The following POSTN variants were observed in gnomAD, a reference collection of about 807,000 sequenced individuals.
POSTN encodes periostin.
Under a neutral mutation model 104.5 loss-of-function variants are expected in POSTN, and 71 were observed. That is an observed-to-expected ratio of 0.68 (90% CI 0.56 to 0.83). POSTN has a LOEUF of 0.83. POSTN is among the 40% of genes least tolerant of loss of function. The probability of loss-of-function intolerance (pLI) is 0.00; values close to 1 mark genes in which losing one functional copy is unlikely to be tolerated. For synonymous variants in POSTN, 355 were observed against 340.7 expected (o/e 1.04, Z -0.46); for missense variants, 949 against 1,006.8 (o/e 0.94, Z 0.78).
intron 2 of POSTN, among the ~76,000 whole-genome samples, chr13:37,596,755 A>G (rs1479182110): frequency 6.6e-6 from 1 of 152,234 alleles, no homozygotes; most frequent in African/African-American, 2.4e-5. Flanking sequence ...AGAGACAAAC[A>G]TTAACTTTTT....
At position 37,574,545 on chromosome 13, in the gene POSTN, G is replaced by T. The variant is rs749529416; in HGVS notation, c.2089+27C>A. On this transcript the variant is annotated intron_variant, in intron 17 of 22. Transcript: ENST00000379747. ...TTTTACAGATGTTTTTACTATAAAA[G>T]GAACCATGTATAACATTGATTTTTA... is the stretch of plus-strand genomic sequence containing the variant. The T allele has an allele frequency of 5.1e-6, 8 of 1,566,556 alleles. No homozygotes were observed. The South Asian group carries it at 9.7e-5, about 19-fold the overall frequency.
In POSTN at chr13:37,598,628, A is replaced by T; in HGVS notation, c.99T>A (p.Arg33=). The change falls in exon 1 of 23, where the codon CGT becomes CGA. Residue 33 remains arginine (R), a synonymous_variant. Transcript: ENST00000379747. ...NHYDKILAHS[R]IRGRDQGPNV... is the part of the protein sequence containing the mutation. ...CTTACCCTTGGTCCCGACCCCTGAT[A>T]CGACTATGAGCCAAGATCTTGTCAT... 2 of 1,612,836 alleles carry T rather than the reference A, an allele frequency of 1.2e-6. No individual in the cohort carries two copies.
At chr13:37,577,993 A>G (rs1230144616) in intron 15 of POSTN, among the ~76,000 whole-genome samples, 195 bp from the exon 16 acceptor site, 1 of 142,632 alleles carries the variant, frequency 7.0e-6, no homozygotes, top group Non-Finnish European at 1.6e-5. Context: ...TGGATTCATT[A>G]CTCAGAGATT....
chr13:37,568,100 T>C (rs1304347547), intron 21 of POSTN, among the ~76,000 whole-genome samples: 1 of 152,076 alleles, frequency 6.6e-6, no homozygotes, highest in Non-Finnish European at 1.5e-5. Context: ...GTTGAGCATT[T>C]AGGGGTAGAT....
intron 12 of POSTN, among the ~76,000 whole-genome samples, 160 bp downstream of exon 12, chr13:37,579,701 C>T (rs942667582): frequency 3.9e-5 from 6 of 152,042 alleles, no homozygotes; most frequent in Non-Finnish European, 5.9e-5. Flanking sequence ...ACTGAGTGAC[C>T]CTCCACACAT....
intron 18 of POSTN, 74 bp downstream of exon 18, chr13:37,571,295 A>G (rs1950255475): frequency 2.0e-6 from 2 of 987,540 alleles, no homozygotes. Context: ...CAGATGTTCA[A>G]TATTTCTAAA....
intron 17 of POSTN, among the ~76,000 whole-genome samples, chr13:37,573,555 A>T (rs1950315792): frequency 6.6e-6 from 1 of 151,540 alleles, no homozygotes. Context: ...TACTTTAAAA[A>T]ATATAGATAA....
At chr13:37,571,948 G>A (rs1950273395) in intron 17 of POSTN, among the ~76,000 whole-genome samples, 1 of 151,494 alleles carries the variant, frequency 6.6e-6, no homozygotes, top group Admixed American at 6.6e-5. Flanking sequence ...ACATAAGAAA[G>A]TACCAAATGT....
At chr13:37,582,327 T>C (rs1383338354) in intron 10 of POSTN, 39 bp downstream of exon 10, 6 of 1,570,388 alleles carry the variant, frequency 3.8e-6, no homozygotes. Flanking sequence ...ATTTGACATG[T>C]CATTTGACAG....
At chr13:37,578,618 AAACCCC>A (rs1950483414) in intron 15 of POSTN, among the ~76,000 whole-genome samples, 1 of 151,942 alleles carries the variant, frequency 6.6e-6, no homozygotes, top group Non-Finnish European at 1.5e-5. Context: ...GAACACAGTG[AAACCCC>A]ATCTCTCCTA....
chr13:37,576,598 G>GTATA (rs57337452), intron 16 of POSTN, among the ~76,000 whole-genome samples: 2 of 151,268 alleles, frequency 1.3e-5, no homozygotes, highest in African/African-American at 4.9e-5. Context: ...GTGGGAATGT[G>GTATA]TATATATATA....
At chr13:37,574,346 A>G (rs1213833158) in intron 17 of POSTN, among the ~76,000 whole-genome samples, 1 of 151,824 alleles carries the variant, frequency 6.6e-6, no homozygotes, top group Non-Finnish European at 1.5e-5. Flanking sequence ...TTCAAATTAA[A>G]TCAAGTACAA....
chr13:37,580,066 A>G, intron 11 of POSTN, 75 bp from the exon 12 acceptor site: 1 of 1,349,448 alleles, frequency 7.4e-7, no homozygotes. Flanking sequence ...ATGTAATAGA[A>G]TAGAATCCAT....
intron 10 of POSTN, among the ~76,000 whole-genome samples, chr13:37,581,431 A>G (rs887276342): frequency 6.6e-6 from 1 of 152,184 alleles, no homozygotes; most frequent in East Asian, 1.9e-4. Context: ...AGCAAAATGT[A>G]TGTTAGGGCT....
At chr13:37,579,192 G>T in intron 13 of POSTN, 37 bp downstream of exon 13, 1 of 1,606,632 alleles carries the variant, frequency 6.2e-7, no homozygotes, top group African/African-American at 1.3e-5. Context: ...CTTAATGATG[G>T]ATGAACACTA....
Position 37,583,464 on chromosome 13 carries a change from C to T in POSTN, c.1243+505G>A, listed in dbSNP as rs371815637. ...TTTCGTTTTTTTTTTTTTTTTGAGA[C>T]GGAGTCTCACTCTGTCGCCCAGGCT... is the stretch of plus-strand genomic sequence containing the variant. On this transcript the variant is annotated intron_variant, in intron 9 of 22. Coordinates refer to ENST00000379747, the MANE Select transcript of POSTN (RefSeq NM_006475.3). Among the ~76,000 whole-genome samples the T allele has an allele frequency of 2.8e-3, 322 of 114,840 alleles. 2 individuals are homozygous for T. Among genetic ancestry groups the T allele is most frequent in the African/African-American group, 0.01 (299 of 29,648 alleles). 75.3% of individuals were successfully genotyped at this position (114,840 alleles called of 152,430 possible). A position where few individuals can be genotyped will look rare whatever the true frequency, so the allele number is the denominator to read the frequency against.
At position 37,564,557 on chromosome 13, in the gene POSTN, G is replaced by GT; in HGVS notation, c.2434dup (p.Thr812AsnfsTer16). The GT allele has an allele frequency of 1.3e-6, 2 of 1,592,714 alleles. No individual in the cohort carries two copies. Among genetic ancestry groups the GT allele is most frequent in the Non-Finnish European group, 1.7e-6 (2 of 1,163,052 alleles). On this transcript the variant is annotated frameshift_variant, in exon 22 of 23. Transcript: ENST00000379747. LOFTEE classifies it high-confidence loss of function. ...GTTGGCTTGCAACTTCCTCACGGGT[G>GT]TGTCTAAAATTAAATTGTTGTAGTT...
At position 37,598,674 on chromosome 13, in the gene POSTN, G is replaced by A. The variant is rs769999010; in HGVS notation, c.53C>T (p.Pro18Leu). Residue 18 changes from proline to leucine, a missense_variant, in exon 1 of 23, where the codon CCT becomes CTT. Pro to Leu is a moderately conservative substitution (Grantham distance 98, BLOSUM62 -3). Transcript: ENST00000379747. Reference protein sequence around the residue: ...FSLLLLLIVNPINANNHYDKI... With the variant: ...FSLLLLLIVNLINANNHYDKI... The stretch of plus-strand genomic sequence containing the variant: ...GTCATAATGATTGTTGGCGTTTATA[G>A]GGTTAACAATAAGCAGCAATAGTAG... 27 of 1,613,346 alleles carry A rather than the reference G, an allele frequency of 1.7e-5. No individual in the cohort carries two copies. The highest frequency in any genetic ancestry group is 2.3e-5 in the Non-Finnish European group (27 of 1,179,522).
Position 37,586,906 on chromosome 13 carries a change from C to T in POSTN, c.629G>A (p.Arg210Gln), listed in dbSNP as rs372921415. The T allele has an allele frequency of 2.8e-5, 45 of 1,613,136 alleles. No homozygotes were observed. The highest frequency in any genetic ancestry group is 3.6e-5 in the Non-Finnish European group (43 of 1,179,598). ...PNGVVTVNCA[R>Q]IIHGNQIATN... ...TGCAATCTGGTTCCCATGGATGATT[C>T]GAGCACAATTAACAGTGACAACCTA... Residue 210 changes from arginine to glutamine, a missense_variant, in exon 6 of 23, where the codon CGA (arginine) becomes CAA (glutamine). Coordinates refer to ENST00000379747, the MANE Select transcript of POSTN (RefSeq NM_006475.3).
Sources: gnomAD v4.1 joint callset for allele counts (sites outside exome capture counted in the v4.1 genomes callset) on GRCh38, gnomAD v4.1.1 for gene constraint, MANE v1.5 for transcripts, NCBI Gene and HGNC (gene_info 2026-07-23, HGNC 2026-07-21) for gene names.